Variants in GHRHR observed in about 807,000 individuals in gnomAD.
GHRHR encodes the protein growth hormone-releasing hormone receptor.
Under a neutral mutation model 58.3 loss-of-function variants are expected in GHRHR, and 40 were observed. That is an observed-to-expected ratio of 0.69 (90% confidence interval 0.53 to 0.89). The LOEUF (loss-of-function observed/expected upper bound fraction) is 0.89, where lower values mean the gene tolerates loss of function less well. Ranked by LOEUF, GHRHR falls within the 40% of genes least tolerant of loss-of-function variation. The probability of loss-of-function intolerance (pLI) is 0.00; values close to 1 mark genes in which losing one functional copy is unlikely to be tolerated. For synonymous variants in GHRHR, 249 were observed against 216.6 expected, an observed-to-expected ratio of 1.15 and a Z score of -1.31; for missense variants, 551 against 541.3, an observed-to-expected ratio of 1.02 and a Z score of -0.18.
rs1792582949 is a variant in GHRHR, at chr7:30,976,294, T to C, written c.975-135T>C. ...GAAATAAAAAAGCCCAGAGTGATTG[T>C]GGGGAGGTGGCGTTTCCCAAGGTGG... On this transcript the variant is annotated intron_variant, in intron 10 of 12. Transcript: ENST00000326139. 26 of 781,918 alleles carry C rather than the reference T, an allele frequency of 3.3e-5. No homozygotes were observed. In the South Asian group the frequency reaches 3.3e-4, roughly 10 times the overall value. The allele number at this position is 781,918 out of a possible 1,614,324, so 48.4% of individuals were successfully genotyped here. A position where few individuals can be genotyped will look rare whatever the true frequency, so the allele number is the denominator to read the frequency against.
Position 30,976,496 on chromosome 7 carries a change from C to T in GHRHR, c.1042C>T (p.Leu348=), listed in dbSNP as rs778848120. Residue 348 remains leucine (L), a synonymous_variant, in exon 11 of 13, where the codon CTG becomes TTG. Transcript: ENST00000326139. ...FGIHYIIFNF[L]PDNAGLGIRL... ...AATTCACTACATCATCTTCAACTTC[C>T]TGCCAGACAATGCTGGCCTGGGCAT... is the stretch of plus-strand genomic sequence containing the variant. 30 of 1,613,370 alleles carry T rather than the reference C, an allele frequency of 1.9e-5. No individual in the cohort carries two copies. The highest frequency in any genetic ancestry group is 2.5e-5 in the Non-Finnish European group (29 of 1,179,482).
chr7:30,971,864 G>C (rs1429141897), intron 5 of GHRHR, 99 bp from the exon 6 acceptor site: 2 of 1,084,062 alleles, frequency 1.8e-6, no homozygotes, highest in African/African-American at 1.5e-5. Flanking sequence ...CATCCAGTTT[G>C]ATTCGATTCA....
intron 9 of GHRHR, 77 bp downstream of exon 9, chr7:30,975,117 A>G (rs1792553248): frequency 1.0e-6 from 1 of 979,578 alleles, no homozygotes; most frequent in Non-Finnish European, 1.7e-6. Context: ...GCACAGCAGG[A>G]AATGCAACTC....
rs569930353 is a variant in GHRHR at position 30,966,123 on chromosome 7, G to T, written c.57+1998G>T. On this transcript the variant is annotated intron_variant, in intron 1 of 12. Transcript: ENST00000326139. Reference sequence around the variant, plus strand: ...GGACAGGAGTGACTTCTCCTGCCAGGGTAGCACTGGTGGGGGTGACCCTCC... The same window carrying T: ...GGACAGGAGTGACTTCTCCTGCCAGTGTAGCACTGGTGGGGGTGACCCTCC... Among the ~76,000 whole-genome samples the T allele has an allele frequency of 3.0e-3, 450 of 152,284 alleles. 1 individual carries two copies. The highest frequency in any genetic ancestry group is 0.011 in the African/African-American group (437 of 41,550).
chr7:30,972,180 CCTGCCCTGTGGG>C, intron 6 of GHRHR, 85 bp downstream of exon 6: 1 of 1,496,690 alleles, frequency 6.7e-7, no homozygotes, highest in Non-Finnish European at 9.2e-7. Context: ...GTCAGGCTTC[CCTGCCCTGTGGG>C]CTGACCCTGG....
intron 12 of GHRHR, 62 bp from the exon 13 acceptor site, chr7:30,979,057 T>C (rs181707110): frequency 6.4e-5 from 97 of 1,519,914 alleles, no homozygotes; most frequent in African/African-American, 1.8e-4. Context: ...CTTAGTCTCA[T>C]TGGGGTTGAG....
In GHRHR at chr7:30,976,019, C is replaced by T. The variant is rs538476438; in HGVS notation, c.974+151C>T. The T allele has an allele frequency of 1.3e-4, 84 of 667,602 alleles. 1 individual carries two copies. The highest frequency in any genetic ancestry group is 2.0e-4 in the Non-Finnish European group (74 of 361,552). 41.4% of individuals were successfully genotyped at this position (667,602 alleles called of 1,614,324 possible). A position where few individuals can be genotyped will look rare whatever the true frequency, so the allele number is the denominator to read the frequency against. ...ACAGAATAGACCTGGCCCCTTCCTTCTAGGGGATCACAATATTGGAAGGAT... is the reference window on the plus strand; with the variant it reads ...ACAGAATAGACCTGGCCCCTTCCTTTTAGGGGATCACAATATTGGAAGGAT... On this transcript the variant is annotated intron_variant, in intron 10 of 12. Coordinates refer to ENST00000326139, the MANE Select transcript of GHRHR (RefSeq NM_000823.4).
At chr7:30,964,233 A>G in intron 1 of GHRHR, 108 bp downstream of exon 1, 8 of 995,294 alleles carry the variant, frequency 8.0e-6, no homozygotes, top group South Asian at 1.4e-5. Context: ...CTCCTGCTCT[A>G]GAGTCCCTCC....
intron 12 of GHRHR, among the ~76,000 whole-genome samples, chr7:30,978,294 G>T (rs1000301392): frequency 1.3e-5 from 2 of 152,100 alleles, no homozygotes; most frequent in African/African-American, 4.8e-5. Flanking sequence ...GTCCTGGGAG[G>T]GGCAAGAAGC....
chr7:30,968,644 T>C (rs573139425), intron 1 of GHRHR, among the ~76,000 whole-genome samples, 190 bp from the exon 2 acceptor site: 95 of 73,120 alleles, frequency 1.3e-3, no homozygotes, highest in African/African-American at 4.9e-3. Context: ...CTCCCTCCCT[T>C]CCTTCCTTCC....
chr7:30,966,385 G>GGT (rs34990299), intron 1 of GHRHR, among the ~76,000 whole-genome samples: 10 of 148,358 alleles, frequency 6.7e-5, no homozygotes, highest in Non-Finnish European at 1.2e-4. Context: ...AGACATTGAG[G>GGT]GTGTGTGTGT....
chr7:30,976,493 T>C lies in GHRHR; in HGVS notation c.1039T>C (p.Phe347Leu). Residue 347 changes from phenylalanine to leucine, a missense_variant, in exon 11 of 13, where the codon TTC becomes CTC. Transcript: ENST00000326139. ...TGGAATTCACTACATCATCTTCAACTTCCTGCCAGACAATGCTGGCCTGGG... is the reference window on the plus strand; with the variant it reads ...TGGAATTCACTACATCATCTTCAACCTCCTGCCAGACAATGCTGGCCTGGG... ...LFGIHYIIFN[F>L]LPDNAGLGIR... 2.5e-6 allele frequency: 4 copies of C among 1,613,426 alleles called. No homozygotes were observed. The East Asian group carries it at 8.9e-5, about 36-fold the overall frequency.
At chr7:30,974,181 G>C (rs764251032) in intron 7 of GHRHR, 43 bp downstream of exon 7, 1 of 1,598,246 alleles carries the variant, frequency 6.3e-7, no homozygotes, top group Non-Finnish European at 8.6e-7. Flanking sequence ...GAGGTAAAGG[G>C]CTGGAAAGGC....
rs1792477451 is a variant in GHRHR at position 30,971,354 on chromosome 7, T to G, written c.464+138T>G. 5 of 699,146 alleles carry G rather than the reference T, an allele frequency of 7.2e-6. No individual in the cohort carries two copies. In the South Asian group the frequency reaches 7.5e-5, roughly 10 times the overall value. 43.3% of individuals were successfully genotyped at this position (699,146 alleles called of 1,614,324 possible). On this transcript the variant is annotated intron_variant, in intron 5 of 12. Coordinates refer to ENST00000326139, the MANE Select transcript of GHRHR (RefSeq NM_000823.4). ...ACCCATGTCTAACTTTCCCTTCCCT[T>G]TTCCCCACCATGTAGACCCATCTCT... is the stretch of plus-strand genomic sequence containing the variant.
chr7:30,966,562 C>T (rs186580796), intron 1 of GHRHR, among the ~76,000 whole-genome samples: 37 of 152,274 alleles, frequency 2.4e-4, no homozygotes, highest in Admixed American at 2.2e-3. Context: ...TCCCTTGTCC[C>T]CAGGTCCAGC....
rs759640575 is a variant in GHRHR at position 30,977,273 on chromosome 7, A to G, written c.1105-8A>G. On this transcript the variant is annotated splice_polypyrimidine_tract_variant and splice_region_variant and intron_variant, in intron 11 of 12. Coordinates refer to ENST00000326139, the MANE Select transcript of GHRHR (RefSeq NM_000823.4). The stretch of plus-strand genomic sequence containing the variant: ...TTCTGATGGGGTCTTTCTTCTTTGG[A>G]CCCACAGGGCTTCATTGTTGCCATC... 6.2e-7 allele frequency: 1 copy of G among 1,613,662 alleles called. No individual in the cohort carries two copies. Among genetic ancestry groups the G allele is most frequent in the African/African-American group, 1.3e-5 (1 of 74,866 alleles).
chr7:30,963,975 G>C lies in GHRHR; in HGVS notation c.-94G>C. 1.7e-6 allele frequency: 2 copies of C among 1,153,634 alleles called. No homozygotes were observed. Among genetic ancestry groups the C allele is most frequent in the African/African-American group, 1.5e-5 (1 of 65,796 alleles). The allele number at this position is 1,153,634 out of a possible 1,614,324, so 71.5% of individuals were successfully genotyped here. A position where few individuals can be genotyped will look rare whatever the true frequency, so the allele number is the denominator to read the frequency against. On this transcript the variant is annotated 5_prime_UTR_variant, in exon 1 of 13. Coordinates refer to ENST00000326139, the MANE Select transcript of GHRHR (RefSeq NM_000823.4). ...GCCACCTGAGAAGGGGAAGCAGAGG[G>C]TGCGGTGGAAACGGCTGTGTCAGGG...
At chr7:30,966,423 G>C (rs1354438233) in intron 1 of GHRHR, among the ~76,000 whole-genome samples, 1 of 152,106 alleles carries the variant, frequency 6.6e-6, no homozygotes, top group Non-Finnish European at 1.5e-5. Context: ...GCCATGGGGA[G>C]AGAAACATTA....
intron 9 of GHRHR, among the ~76,000 whole-genome samples, 177 bp from the exon 10 acceptor site, chr7:30,975,600 C>T (rs924562815): frequency 1.3e-5 from 2 of 151,958 alleles, no homozygotes; most frequent in African/African-American, 4.8e-5. Context: ...GGGACCCCCG[C>T]CCCCCCATCT....
Sources: allele counts gnomAD v4.1 joint callset (sites outside exome capture counted in the v4.1 genomes callset), GRCh38; gene constraint gnomAD v4.1.1; transcripts MANE v1.5; gene names NCBI Gene and HGNC (gene_info 2026-07-23, HGNC 2026-07-21).